DHRS3: variants seen among roughly 807,000 people sequenced by gnomAD.
DHRS3 encodes dehydrogenase/reductase 3, also known as short-chain dehydrogenase/reductase 3.
In DHRS3, 14 loss-of-function variants were observed where a neutral mutation model predicts 27.2. The ratio of observed to expected loss-of-function variants is 0.52; its 90% CI spans 0.34 to 0.81. The LOEUF is 0.81. Among genes scored for constraint, DHRS3 ranks in the 30% least tolerant of loss-of-function variants. DHRS3 has a pLI of 0.01. For synonymous variants in DHRS3, 165 were observed against 175.9 expected, an observed-to-expected ratio of 0.94 and a Z score of 0.49; for missense variants, 322 against 406.2, an observed-to-expected ratio of 0.79 and a Z score of 1.78.
intron 4 of DHRS3, among the ~76,000 whole-genome samples, chr1:12,576,166 T>C (rs1035642955): frequency 6.6e-6 from 1 of 152,186 alleles, no homozygotes; most frequent in Non-Finnish European, 1.5e-5. Flanking sequence ...AATTTCCTTC[T>C]TAAAGTGGTA....
At chr1:12,610,856 T>C (rs1248863459) in intron 1 of DHRS3, among the ~76,000 whole-genome samples, 2 of 152,222 alleles carry the variant, frequency 1.3e-5, no homozygotes, top group Non-Finnish European at 2.9e-5. Context: ...CACAGCCTTA[T>C]AAAATTCTGG....
rs906547676 is a variant in DHRS3, at chr1:12,592,964, G to A, written c.196-12298C>T. 5.9e-5 allele frequency among the ~76,000 whole-genome samples: 9 copies of A among 152,278 alleles called. No homozygotes were observed. Among genetic ancestry groups the A allele is most frequent in the African/African-American group, 1.9e-4 (8 of 41,556 alleles). On this transcript the variant is annotated intron_variant, in intron 1 of 5. Transcript: ENST00000616661. This position sits in a 1 kb window ranked among gnomAD's most constrained non-coding sequence, Gnocchi z 4.2. ...TCTCACCACTTCTCGCCACCTCCAC[G>A]GCGCCTTGGGGCCCTGCCTCAGCGC...
chr1:12,591,065 G>C lies in DHRS3; in HGVS notation c.196-10399C>G, dbSNP rs540760247. On this transcript the variant is annotated intron_variant, in intron 1 of 5. Transcript: ENST00000616661. The surrounding 1 kb of genome is among the most constrained non-coding windows in gnomAD (Gnocchi z 4.1). ...GTTTCTAGGGGAGGAGACAGACATA[G>C]AGCTTCGGGTTTTCCAGGCAACCAT... Among the ~76,000 whole-genome samples the C allele has an allele frequency of 8.6e-4, 131 of 152,334 alleles. No individual in the cohort carries two copies. Among genetic ancestry groups the C allele is most frequent in the African/African-American group, 3.2e-3 (131 of 41,570 alleles).
At position 12,586,267 on chromosome 1, in the gene DHRS3, G is replaced by A. The variant is rs1402329249; in HGVS notation, c.196-5601C>T. Among the ~76,000 whole-genome samples, 8 of 152,318 alleles carry A rather than the reference G, an allele frequency of 5.3e-5. No homozygotes were observed. The highest frequency in any genetic ancestry group is 8.8e-5 in the Non-Finnish European group (6 of 68,024). On this transcript the variant is annotated intron_variant, in intron 1 of 5. Coordinates refer to ENST00000616661, the MANE Select transcript of DHRS3 (RefSeq NM_004753.7). The surrounding 1 kb of genome is among the most constrained non-coding windows in gnomAD (Gnocchi z 5.0). ...AAAGGAGTTAAGTAACTCACCCCAC[G>A]CCACCCACTGTGAAACAGGATTTGA...
chr1:12,614,241 G>C (rs1007655310), intron 1 of DHRS3, among the ~76,000 whole-genome samples: 2 of 152,132 alleles, frequency 1.3e-5, no homozygotes, highest in Non-Finnish European at 1.5e-5. Flanking sequence ...TCCTCTCAGG[G>C]GCTCCTGCTA....
In DHRS3 at chr1:12,586,129, C is replaced by T. The variant is rs1432171086; in HGVS notation, c.196-5463G>A. 1.3e-5 allele frequency among the ~76,000 whole-genome samples: 2 copies of T among 152,214 alleles called. No individual in the cohort carries two copies. The highest frequency in any genetic ancestry group is 1.3e-4 in the Admixed American group (2 of 15,286). ...CTGGTCTCCGGGGCCCCGGGCTGTCCTGCCCTTGCCCAGAGCTGCTCTCAA... is the reference window on the plus strand; with the variant it reads ...CTGGTCTCCGGGGCCCCGGGCTGTCTTGCCCTTGCCCAGAGCTGCTCTCAA... On this transcript the variant is annotated intron_variant, in intron 1 of 5. Coordinates refer to ENST00000616661, the MANE Select transcript of DHRS3 (RefSeq NM_004753.7). This position sits in a 1 kb window ranked among gnomAD's most constrained non-coding sequence, Gnocchi z 5.0.
chr1:12,580,379 C>G (rs754681226), intron 2 of DHRS3, 144 bp downstream of exon 2: 1 of 1,084,962 alleles, frequency 9.2e-7, no homozygotes, highest in Admixed American at 2.0e-5. Flanking sequence ...GGGCCAGCTT[C>G]ATGGGAGAGT....
intron 1 of DHRS3, among the ~76,000 whole-genome samples, chr1:12,607,698 G>GT (rs1570399917): frequency 6.6e-6 from 1 of 151,950 alleles, no homozygotes; most frequent in South Asian, 2.1e-4. Context: ...AGCTAATGAT[G>GT]TAAAAAAAAA....
At chr1:12,577,763 C>T (rs955478586) in intron 4 of DHRS3, among the ~76,000 whole-genome samples, 2 of 152,154 alleles carry the variant, frequency 1.3e-5, no homozygotes, top group African/African-American at 4.8e-5. Flanking sequence ...GTGGAGGTTG[C>T]AGTGAGCCGA....
At chr1:12,585,258 A>T (rs1318758964) in intron 1 of DHRS3, among the ~76,000 whole-genome samples, 107 of 19,542 alleles carry the variant, frequency 5.5e-3, no homozygotes, top group African/African-American at 7.6e-3. Flanking sequence ...TGTGTCTCTG[A>T]GTGTGTGTCT....
At chr1:12,579,669 T>C (rs769558191) in intron 2 of DHRS3, 3 of 369,914 alleles carry the variant, frequency 8.1e-6, no homozygotes, top group Non-Finnish European at 1.5e-5. Flanking sequence ...AGAGATGGGG[T>C]TTCACCATGT....
chr1:12,607,604 T>C (rs1376959476), intron 1 of DHRS3, among the ~76,000 whole-genome samples: 1 of 152,226 alleles, frequency 6.6e-6, no homozygotes, highest in Non-Finnish European at 1.5e-5. Context: ...ATTAAACTTC[T>C]TTCCTTTATA....
rs116311777 is a variant in DHRS3, at chr1:12,574,543, C to T, written c.699-1690G>A. 1.6e-3 allele frequency among the ~76,000 whole-genome samples: 245 copies of T among 152,274 alleles called. No homozygotes were observed. The highest frequency in any genetic ancestry group is 5.6e-3 in the African/African-American group (231 of 41,552). On this transcript the variant is annotated intron_variant, in intron 4 of 5. Transcript: ENST00000616661. The surrounding 1 kb of genome is among the most constrained non-coding windows in gnomAD (Gnocchi z 4.6). ...GCCTCTGCCATTCTACAGAGATGAA[C>T]GTGTTGAGGCAGCTCACTGATACTG...
intron 2 of DHRS3, 32 bp downstream of exon 2, chr1:12,580,491 G>A (rs1467065189): frequency 2.5e-6 from 4 of 1,613,938 alleles, no homozygotes; most frequent in Admixed American, 1.7e-5. Flanking sequence ...GTGGTCAGCT[G>A]TGCTAGGAAT....
chr1:12,617,487 T>A lies in DHRS3; in HGVS notation c.-139A>T. The A allele has an allele frequency of 5.0e-6, 2 of 396,954 alleles. No individual in the cohort carries two copies. Among genetic ancestry groups the A allele is most frequent in the Non-Finnish European group, 8.1e-6 (2 of 246,750 alleles). The allele number at this position is 396,954 out of a possible 1,614,324, so 24.6% of individuals were successfully genotyped here. A position where few individuals can be genotyped will look rare whatever the true frequency, so the allele number is the denominator to read the frequency against. On this transcript the variant is annotated 5_prime_UTR_variant, in exon 1 of 6. Coordinates refer to ENST00000616661, the MANE Select transcript of DHRS3 (RefSeq NM_004753.7). ...CCACCTGGCCACTCTTGAAATCACCTCTTCCCAAATGCAAAGCACCGGGTG... is the reference window on the plus strand; with the variant it reads ...CCACCTGGCCACTCTTGAAATCACCACTTCCCAAATGCAAAGCACCGGGTG...
intron 1 of DHRS3, among the ~76,000 whole-genome samples, chr1:12,583,788 A>T (rs891088741): frequency 6.6e-6 from 1 of 150,848 alleles, no homozygotes; most frequent in African/African-American, 2.4e-5. Flanking sequence ...CCATGCATCC[A>T]TCCATCCCCC....
At chr1:12,573,376 C>T (rs1646556352) in intron 4 of DHRS3, among the ~76,000 whole-genome samples, 1 of 152,240 alleles carries the variant, frequency 6.6e-6, no homozygotes, top group African/African-American at 2.4e-5. Context: ...TCCTTGACCG[C>T]GTTCACCCCA....
At chr1:12,611,197 G>A (rs116600728) in intron 1 of DHRS3, among the ~76,000 whole-genome samples, 9 of 152,342 alleles carry the variant, frequency 5.9e-5, no homozygotes, top group Non-Finnish European at 8.8e-5. Context: ...TGAAAAGATG[G>A]AAGCTCAGAA....
At chr1:12,579,683 C>T in intron 2 of DHRS3, 1 of 350,576 alleles carries the variant, frequency 2.9e-6, no homozygotes, top group South Asian at 2.8e-5. Flanking sequence ...ACCATGTTGG[C>T]CAGGCTAATC....
Sources: allele counts gnomAD v4.1 joint callset (sites outside exome capture counted in the v4.1 genomes callset), GRCh38; gene constraint gnomAD v4.1.1; non-coding constraint Gnocchi (gnomAD v3.1); transcripts MANE v1.5; gene names NCBI Gene and HGNC (gene_info 2026-07-23, HGNC 2026-07-21).